MAML3: variants seen among roughly 807,000 people sequenced by gnomAD.
MAML3 encodes mastermind like transcriptional coactivator 3.
MAML3 carries 27 observed loss-of-function variants against 101.9 expected under a neutral mutation model. That is an observed-to-expected ratio of 0.27 (90% CI 0.20 to 0.37). MAML3 has a LOEUF of 0.37. Ranked by LOEUF, MAML3 falls within the 10% of genes least tolerant of loss-of-function variation. The pLI, the probability that MAML3 is intolerant of heterozygous loss-of-function variation, is 1.00. For synonymous variants in MAML3, 501 were observed against 555.9 expected (o/e 0.90, Z 1.39); for missense variants, 1,316 against 1,444.9 (o/e 0.91, Z 1.45).
In MAML3 at chr4:139,728,815, T is replaced by C. The variant is rs561344192; in HGVS notation, c.2331+1601A>G. Among the ~76,000 whole-genome samples, 5 of 152,190 alleles carry C rather than the reference T, an allele frequency of 3.3e-5. No individual in the cohort carries two copies. The South Asian group carries it at 8.3e-4, about 25-fold the overall frequency. On this transcript the variant is annotated intron_variant, in intron 3 of 4. Transcript: ENST00000509479. ...CACCCTGTGCTCCCCAGGGTCGGGC[T>C]GGCCTCACCGTGTGGGAACACCCTT...
chr4:140,035,855 T>C (rs1388005037), intron 1 of MAML3, among the ~76,000 whole-genome samples: 7 of 152,160 alleles, frequency 4.6e-5, no homozygotes, highest in Non-Finnish European at 1.0e-4. Flanking sequence ...CTACCTGAGG[T>C]TGAACGGTAA....
At position 140,153,031 on chromosome 4, in the gene MAML3, C is replaced by G. The variant is rs756770524; in HGVS notation, c.297G>C (p.Gln99His). The change falls in exon 1 of 5, where the codon CAG becomes CAC. Residue 99 changes from glutamine (Q) to histidine (H), a missense_variant. Gln to His is a conservative substitution (Grantham distance 24). Coordinates refer to ENST00000509479, the MANE Select transcript of MAML3 (RefSeq NM_018717.5). ...VNCENRYQQAQVEQLELERRD... is the reference protein window; with the variant it reads ...VNCENRYQQAHVEQLELERRD... ...GGCGCTCCAGCTCCAGCTGCTCCACCTGAGCCTGCTGGTACCTGTTCTCGC... is the reference window on the plus strand; with the variant it reads ...GGCGCTCCAGCTCCAGCTGCTCCACGTGAGCCTGCTGGTACCTGTTCTCGC... The G allele has an allele frequency of 6.3e-7, 1 of 1,593,904 alleles. No individual in the cohort carries two copies. Among genetic ancestry groups the G allele is most frequent in the South Asian group, 1.1e-5 (1 of 88,606 alleles).
chr4:140,051,630 G>A (rs1012859152), intron 1 of MAML3, among the ~76,000 whole-genome samples: 10 of 151,770 alleles, frequency 6.6e-5, no homozygotes, highest in South Asian at 2.1e-4. Context: ...AATATCTAAC[G>A]AATCTTCACC....
At chr4:139,842,040 C>T (rs1004019170) in intron 2 of MAML3, among the ~76,000 whole-genome samples, 1 of 152,166 alleles carries the variant, frequency 6.6e-6, no homozygotes, top group African/African-American at 2.4e-5. Context: ...CAGAGTGGAG[C>T]CAGATGCACA....
At chr4:139,881,764 C>T (rs1171221661) in intron 2 of MAML3, among the ~76,000 whole-genome samples, 2 of 152,194 alleles carry the variant, frequency 1.3e-5, no homozygotes, top group Non-Finnish European at 2.9e-5. Context: ...TGCAGTGGTG[C>T]GATCTCCGCT....
chr4:139,836,157 G>C (rs911638205), intron 2 of MAML3, among the ~76,000 whole-genome samples: 1 of 152,102 alleles, frequency 6.6e-6, no homozygotes, highest in East Asian at 1.9e-4. Flanking sequence ...TCACTTTCAC[G>C]GCAGTTTCTA....
Position 139,890,564 on chromosome 4 carries a change from G to A in MAML3, c.872C>T (p.Ser291Phe). The A allele has an allele frequency of 6.2e-7, 1 of 1,614,016 alleles. No homozygotes were observed. The highest frequency in any genetic ancestry group is 8.5e-7 in the Non-Finnish European group (1 of 1,179,902). The change falls in exon 2 of 5, where the codon TCT becomes TTT. Residue 291 changes from serine (S) to phenylalanine (F), a missense_variant. Coordinates refer to ENST00000509479, the MANE Select transcript of MAML3 (RefSeq NM_018717.5). The surrounding 1 kb of genome is among the most constrained non-coding windows in gnomAD (Gnocchi z 4.1). ...DPTCIDTSET[S>F]LSNQNKLFSD... ...GAACAGCTTGTTCTGATTTGAAAGA[G>A]ATGTTTCTGATGTGTCTATGCAAGT... is the stretch of plus-strand genomic sequence containing the variant.
chr4:139,917,768 C>T (rs1262834303), intron 1 of MAML3, among the ~76,000 whole-genome samples: 4 of 152,144 alleles, frequency 2.6e-5, no homozygotes, highest in Non-Finnish European at 4.4e-5. Flanking sequence ...GCTGCATGTT[C>T]ATCTGTCAGG....
chr4:139,995,425 T>TTA (rs1175912884), intron 1 of MAML3, among the ~76,000 whole-genome samples: 3 of 152,124 alleles, frequency 2.0e-5, no homozygotes, highest in Non-Finnish European at 2.9e-5. Context: ...AATGAAGGAT[T>TTA]TATATATATA....
At chr4:140,133,968 T>C in intron 1 of MAML3, 1 of 364,240 alleles carries the variant, frequency 2.7e-6, no homozygotes, top group Non-Finnish European at 5.4e-6. Context: ...TGATCATTTT[T>C]ACCCTCACCA....
chr4:139,774,627 C>G (rs1730058717), intron 2 of MAML3, among the ~76,000 whole-genome samples: 1 of 152,098 alleles, frequency 6.6e-6, no homozygotes. Flanking sequence ...ATGATCAAGA[C>G]AGGAAGAGTC....
intron 2 of MAML3, among the ~76,000 whole-genome samples, chr4:139,769,924 T>G (rs1235825203): frequency 6.6e-6 from 1 of 150,798 alleles, no homozygotes; most frequent in Admixed American, 6.6e-5. Flanking sequence ...CTCTTTTTTT[T>G]TTTTTTTTTT....
intron 1 of MAML3, among the ~76,000 whole-genome samples, chr4:140,126,022 C>T (rs530520996): frequency 3.9e-5 from 6 of 152,138 alleles, no homozygotes; most frequent in Admixed American, 1.3e-4. Context: ...GTGATCCACC[C>T]GCCTTGGCTT....
At chr4:140,059,676 T>C (rs1304216841) in intron 1 of MAML3, among the ~76,000 whole-genome samples, 1 of 152,216 alleles carries the variant, frequency 6.6e-6, no homozygotes, top group Middle Eastern at 3.2e-3. Context: ...TAAATTCATA[T>C]TAGCATATTC....
At chr4:140,148,004 T>G (rs1729095113) in intron 1 of MAML3, among the ~76,000 whole-genome samples, 1 of 152,174 alleles carries the variant, frequency 6.6e-6, no homozygotes, top group Non-Finnish European at 1.5e-5. Flanking sequence ...AAAACTTCTT[T>G]AACAACAGTT....
intron 2 of MAML3, among the ~76,000 whole-genome samples, chr4:139,753,639 C>T (rs1729578814): frequency 6.6e-6 from 1 of 152,104 alleles, no homozygotes; most frequent in African/African-American, 2.4e-5. Flanking sequence ...ATCTTTTATG[C>T]TCCTTCCCTA....
chr4:139,980,113 C>T (rs774182455), intron 1 of MAML3, among the ~76,000 whole-genome samples: 14 of 152,188 alleles, frequency 9.2e-5, no homozygotes, highest in Non-Finnish European at 1.5e-4. Context: ...AGGCCAAGCC[C>T]AGCCCGGACT....
At chr4:140,042,044 T>C (rs1727094136) in intron 1 of MAML3, among the ~76,000 whole-genome samples, 1 of 152,170 alleles carries the variant, frequency 6.6e-6, no homozygotes, top group African/African-American at 2.4e-5. Context: ...TCCTGTGAAG[T>C]ACGAAGTATT....
chr4:139,945,105 C>T (rs1296105035), intron 1 of MAML3, among the ~76,000 whole-genome samples: 1 of 152,224 alleles, frequency 6.6e-6, no homozygotes, highest in African/African-American at 2.4e-5. Flanking sequence ...CCCCCTAACC[C>T]TCCAAGGCAG....
Sources: allele counts gnomAD v4.1 joint callset (sites outside exome capture counted in the v4.1 genomes callset), GRCh38; gene constraint gnomAD v4.1.1; non-coding constraint Gnocchi (gnomAD v3.1); transcripts MANE v1.5; gene names NCBI Gene and HGNC (gene_info 2026-07-23, HGNC 2026-07-21).